PLEKHA5: variants seen among roughly 807,000 people sequenced by gnomAD.
The protein encoded by PLEKHA5 is pleckstrin homology domain containing A5.
A neutral mutation model predicts 181.9 loss-of-function variants in PLEKHA5; 55 were observed. The observed-to-expected ratio is 0.30, with a 90% CI of 0.24 to 0.38. The LOEUF (loss-of-function observed/expected upper bound fraction) is 0.38, where lower values mean the gene tolerates loss of function less well. PLEKHA5 is among the 10% of genes least tolerant of loss of function. The probability of loss-of-function intolerance (pLI) is 1.00; values close to 1 mark genes in which losing one functional copy is unlikely to be tolerated. For missense variants in PLEKHA5, 1,432 were observed against 1,549.5 expected (o/e 0.92, Z 1.27); for synonymous variants, 535 against 529.4 (o/e 1.01, Z -0.15).
At chr12:19,304,963 A>G (rs2082763715) in intron 15 of PLEKHA5, among the ~76,000 whole-genome samples, 1 of 152,090 alleles carries the variant, frequency 6.6e-6, no homozygotes, top group Non-Finnish European at 1.5e-5. Context: ...GTTAGAAATG[A>G]AAAAAAGAAA....
rs80193559 is a variant in PLEKHA5 at position 19,144,695 on chromosome 12, C to G, written c.227+12245C>G. Among the ~76,000 whole-genome samples, 25 of 152,234 alleles carry G rather than the reference C, an allele frequency of 1.6e-4. No homozygotes were observed. The East Asian group carries it at 4.6e-3, about 28-fold the overall frequency. On this transcript the variant is annotated intron_variant, in intron 3 of 31. Coordinates refer to ENST00000429027, the MANE Select transcript of PLEKHA5 (RefSeq NM_001256470.2). ...CAATGTATTCAAAAGAATTTGGAGA[C>G]CAACTTCTGGATCAGTGGGAAAGCA...
intron 3 of PLEKHA5, among the ~76,000 whole-genome samples, chr12:19,148,128 C>T (rs2039423292): frequency 6.6e-6 from 1 of 152,214 alleles, no homozygotes; most frequent in African/African-American, 2.4e-5. Flanking sequence ...AGGATCTCAG[C>T]TCACTGCAAC....
chr12:19,311,798 G>A (rs898043944), intron 15 of PLEKHA5, among the ~76,000 whole-genome samples: 8 of 151,980 alleles, frequency 5.3e-5, no homozygotes, highest in African/African-American at 1.7e-4. Flanking sequence ...TTCTGTTAAT[G>A]TTGCTATTTT....
intron 3 of PLEKHA5, chr12:19,243,087 AG>A (rs1482224736): frequency 6.6e-6 from 1 of 152,474 alleles, no homozygotes; most frequent in East Asian, 1.9e-4. Context: ...AGGGAAGAGG[AG>A]CAGTGAGAGA....
chr12:19,303,431 A>G (rs1014333439), intron 15 of PLEKHA5: 6 of 152,134 alleles, frequency 3.9e-5, no homozygotes, highest in African/African-American at 1.2e-4. Flanking sequence ...AGCTGGTCCA[A>G]TTTCTCCAGA....
intron 3 of PLEKHA5, among the ~76,000 whole-genome samples, chr12:19,165,802 C>T (rs957008100): frequency 3.3e-5 from 5 of 152,130 alleles, no homozygotes; most frequent in African/African-American, 7.2e-5. Flanking sequence ...TTTGGGGGTG[C>T]AATTTCATCA....
chr12:19,138,738 A>G (rs948780011), intron 3 of PLEKHA5, among the ~76,000 whole-genome samples: 1 of 152,044 alleles, frequency 6.6e-6, no homozygotes, highest in African/African-American at 2.4e-5. Flanking sequence ...GACTGGGAGG[A>G]TACATTCATG....
At position 19,153,937 on chromosome 12, in the gene PLEKHA5, A is replaced by G. The variant is rs1253006443; in HGVS notation, c.227+21487A>G. ...ACTCTGGAAGAGTTTGTATGAGGTT[A>G]GAATCAGTCATGGAGAAAGGGATAT... On this transcript the variant is annotated intron_variant, in intron 3 of 31. Transcript: ENST00000429027. 3 of 152,190 alleles carry G rather than the reference A, an allele frequency of 2.0e-5. No individual in the cohort carries two copies. In the East Asian group the frequency reaches 5.8e-4, roughly 29 times the overall value. 9.4% of individuals were successfully genotyped at this position (152,190 alleles called of 1,614,324 possible). A position where few individuals can be genotyped will look rare whatever the true frequency, so the allele number is the denominator to read the frequency against.
intron 20 of PLEKHA5, among the ~76,000 whole-genome samples, chr12:19,323,602 A>T (rs2091425792): frequency 6.6e-6 from 1 of 152,040 alleles, no homozygotes; most frequent in Non-Finnish European, 1.5e-5. Flanking sequence ...GGATCACTTG[A>T]GGTCAGGAGT....
chr12:19,284,760 T>G (rs2076879672), intron 12 of PLEKHA5, among the ~76,000 whole-genome samples: 1 of 151,950 alleles, frequency 6.6e-6, no homozygotes, highest in Non-Finnish European at 1.5e-5. Context: ...CTAAAGTGCT[T>G]TTTTTTTCAT....
At chr12:19,177,299 T>C (rs2047542393) in intron 3 of PLEKHA5, among the ~76,000 whole-genome samples, 2 of 152,190 alleles carry the variant, frequency 1.3e-5, no homozygotes, top group African/African-American at 4.8e-5. Flanking sequence ...AATGATGTGT[T>C]AAAAATACAG....
intron 3 of PLEKHA5, among the ~76,000 whole-genome samples, chr12:19,199,871 T>A (rs1279076673): frequency 2.6e-5 from 4 of 152,088 alleles, no homozygotes; most frequent in Non-Finnish European, 2.9e-5. Context: ...TGGAGGTCAT[T>A]AAGTGAAATA....
At chr12:19,321,763 C>CAAAGAAAGTA (rs1244282874) in intron 18 of PLEKHA5, 1 of 151,826 alleles carries the variant, frequency 6.6e-6, no homozygotes, top group Admixed American at 6.6e-5. Context: ...AGATAAATGG[C>CAAAGAAAGTA]AAAGAAAGTA....
chr12:19,205,892 A>G (rs969431679), intron 3 of PLEKHA5, among the ~76,000 whole-genome samples: 1 of 152,154 alleles, frequency 6.6e-6, no homozygotes, highest in Non-Finnish European at 1.5e-5. Context: ...TCTTTAAAGA[A>G]AATGATAGGG....
chr12:19,306,489 T>TC (rs1191244951), intron 15 of PLEKHA5: 1 of 696,044 alleles, frequency 1.4e-6, no homozygotes, highest in African/African-American at 1.8e-5. Flanking sequence ...CTCTTCCCCC[T>TC]CCTTGCTGTG....
At chr12:19,350,950 A>G (rs1451358427) in intron 25 of PLEKHA5, among the ~76,000 whole-genome samples, 1 of 148,272 alleles carries the variant, frequency 6.7e-6, no homozygotes, top group African/African-American at 2.5e-5. Flanking sequence ...CTCCTTATTC[A>G]AAGTCTTTTT....
chr12:19,253,588 G>A (rs1181529309), intron 3 of PLEKHA5, among the ~76,000 whole-genome samples: 10 of 151,812 alleles, frequency 6.6e-5, no homozygotes, highest in Admixed American at 2.6e-4. Context: ...AGGCCGAGGC[G>A]GGTGGATCAC....
chr12:19,285,035 T>G (rs1191833948), intron 12 of PLEKHA5, among the ~76,000 whole-genome samples: 1 of 152,242 alleles, frequency 6.6e-6, no homozygotes, highest in Non-Finnish European at 1.5e-5. Context: ...ACCTAAGCAT[T>G]TGCTTGATAT....
chr12:19,367,062 T>C (rs531193144), intron 30 of PLEKHA5, among the ~76,000 whole-genome samples: 1 of 152,046 alleles, frequency 6.6e-6, no homozygotes, highest in East Asian at 1.9e-4. Context: ...ATTTTTTGTA[T>C]TTGTAGTACA....
Sources: allele counts gnomAD v4.1 joint callset (sites outside exome capture counted in the v4.1 genomes callset), GRCh38; gene constraint gnomAD v4.1.1; transcripts MANE v1.5; gene names NCBI Gene and HGNC (gene_info 2026-07-23, HGNC 2026-07-21).